The following SIPA1L3 variants were observed in gnomAD, a reference collection of about 807,000 sequenced individuals.
SIPA1L3 encodes the protein signal induced proliferation associated 1 like 3.
A neutral mutation model predicts 150.1 loss-of-function variants in SIPA1L3; 59 were observed. The observed-to-expected ratio is 0.39, with a 90% CI of 0.32 to 0.49. SIPA1L3 has a LOEUF of 0.49. Among genes scored for constraint, SIPA1L3 ranks in the 20% least tolerant of loss-of-function variants. SIPA1L3 has a pLI of 0.86. For missense variants in SIPA1L3, 2,211 were observed against 2,489.5 expected (o/e 0.89, Z 2.38); for synonymous variants, 1,070 against 1,077.6 (o/e 0.99, Z 0.14).
chr19:37,941,065 G>A (rs2046650301), intron 1 of SIPA1L3, among the ~76,000 whole-genome samples: 1 of 133,810 alleles, frequency 7.5e-6, no homozygotes, highest in Non-Finnish European at 1.6e-5. Flanking sequence ...TTTCAGGTTT[G>A]AGATGTACAC....
At chr19:38,144,215 G>A (rs1971657983) in intron 12 of SIPA1L3, among the ~76,000 whole-genome samples, 2 of 152,242 alleles carry the variant, frequency 1.3e-5, no homozygotes, top group Admixed American at 6.5e-5. Context: ...ATCCTTATTA[G>A]CCAGCTAAGA....
chr19:38,078,492 ACACACAGG>A (rs1468232238), intron 2 of SIPA1L3, among the ~76,000 whole-genome samples: 1 of 151,464 alleles, frequency 6.6e-6, no homozygotes, highest in Non-Finnish European at 1.5e-5. Context: ...ATGCACACAC[ACACACAGG>A]CACACAGACA....
chr19:37,991,550 C>G (rs926027206), intron 1 of SIPA1L3, among the ~76,000 whole-genome samples: 1 of 152,170 alleles, frequency 6.6e-6, no homozygotes, highest in Non-Finnish European at 1.5e-5. Flanking sequence ...CTGCTGTCAC[C>G]CTGGAAAGCC....
chr19:37,970,300 G>C lies in SIPA1L3; in HGVS notation c.-378-58789G>C, dbSNP rs560628427. Among the ~76,000 whole-genome samples the C allele has an allele frequency of 4.9e-4, 75 of 152,322 alleles. 1 individual carries two copies. The South Asian group carries it at 0.014, about 29-fold the overall frequency. On this transcript the variant is annotated intron_variant, in intron 1 of 21. Transcript: ENST00000222345. ...CTTTCCTTTTGGAGTCTTGGGGCCA[G>C]TGGAGATGGTATATCTCCCAACAAT...
chr19:37,984,913 T>C (rs532156228), intron 1 of SIPA1L3, among the ~76,000 whole-genome samples: 40 of 152,320 alleles, frequency 2.6e-4, no homozygotes, highest in African/African-American at 9.4e-4. Flanking sequence ...GTGGATTCCT[T>C]CAACAAATAT....
intron 7 of SIPA1L3, among the ~76,000 whole-genome samples, chr19:38,109,205 A>G (rs1159441828): frequency 6.6e-6 from 1 of 152,168 alleles, no homozygotes; most frequent in African/African-American, 2.4e-5. Flanking sequence ...ACAGCTCCAC[A>G]TGGCTGGGGA....
rs148106623 is a variant in SIPA1L3, at chr19:38,182,456, C to T, written c.4209-63C>T. On this transcript the variant is annotated intron_variant, in intron 15 of 21. Coordinates refer to ENST00000222345, the MANE Select transcript of SIPA1L3 (RefSeq NM_015073.3). ...GATTCCCAAGAGTAAACTTCAATAG[C>T]TCTGTCTTGCCAAATGTGGAATGGA... 4.4e-4 allele frequency: 546 copies of T among 1,239,504 alleles called. 2 individuals are homozygous for T. In the African/African-American group the frequency reaches 7.5e-3, roughly 17 times the overall value. 76.8% of individuals were successfully genotyped at this position (1,239,504 alleles called of 1,614,324 possible). A position where few individuals can be genotyped will look rare whatever the true frequency, so the allele number is the denominator to read the frequency against.
intron 15 of SIPA1L3, among the ~76,000 whole-genome samples, chr19:38,165,243 A>T (rs1972184151): frequency 6.6e-6 from 1 of 152,076 alleles, no homozygotes; most frequent in South Asian, 2.1e-4. Flanking sequence ...ACTGTATCTG[A>T]TAGAGTGTAT....
intron 12 of SIPA1L3, among the ~76,000 whole-genome samples, chr19:38,146,014 C>T (rs532965850): frequency 7.2e-5 from 11 of 152,234 alleles, no homozygotes; most frequent in South Asian, 4.1e-4. Flanking sequence ...AGGCATGCAC[C>T]GCCACACCCA....
chr19:38,093,741 GCAGA>G (rs1241767613), intron 4 of SIPA1L3, among the ~76,000 whole-genome samples: 2 of 152,220 alleles, frequency 1.3e-5, no homozygotes, highest in Admixed American at 1.3e-4. Context: ...CAGCCGCCAA[GCAGA>G]CAGTCTCGAG....
At chr19:38,116,020 A>C (rs896414110) in intron 8 of SIPA1L3, among the ~76,000 whole-genome samples, 5 of 152,180 alleles carry the variant, frequency 3.3e-5, no homozygotes, top group African/African-American at 1.2e-4. Flanking sequence ...CTGGGCAAGC[A>C]TGACTTTGGG....
At chr19:38,031,995 C>G (rs1968664347) in intron 2 of SIPA1L3, among the ~76,000 whole-genome samples, 1 of 152,118 alleles carries the variant, frequency 6.6e-6, no homozygotes, top group East Asian at 1.9e-4. Flanking sequence ...AACTTTGAGG[C>G]TATGCTAATA....
At chr19:38,198,117 G>A (rs1419368529) in intron 18 of SIPA1L3, among the ~76,000 whole-genome samples, 2 of 152,152 alleles carry the variant, frequency 1.3e-5, no homozygotes, top group South Asian at 2.1e-4. Flanking sequence ...TGGCTGTTCC[G>A]TCTGCCTGGA....
intron 13 of SIPA1L3, 83 bp downstream of exon 13, chr19:38,153,050 C>T: frequency 6.7e-7 from 1 of 1,496,484 alleles, no homozygotes; most frequent in Non-Finnish European, 9.0e-7. Flanking sequence ...GGCAACACTC[C>T]CCCTCTTGTG....
At chr19:37,985,419 C>T (rs1488366963) in intron 1 of SIPA1L3, among the ~76,000 whole-genome samples, 3 of 151,840 alleles carry the variant, frequency 2.0e-5, no homozygotes, top group African/African-American at 4.8e-5. Flanking sequence ...TTCCAGCTAC[C>T]GGGGAGGCTG....
At position 38,082,649 on chromosome 19, in the gene SIPA1L3, G is replaced by C. The variant is rs773800455; in HGVS notation, c.1084G>C (p.Val362Leu). Reference protein sequence around the residue: ...LNEAAANRVSVSQRRNTTTGA... With the variant: ...LNEAAANRVSLSQRRNTTTGA... ...CGAGGCGGCCGCCAACAGGGTGTCGGTGTCGCAGCGGCGGAACACCACCAC... is the reference window on the plus strand; with the variant it reads ...CGAGGCGGCCGCCAACAGGGTGTCGCTGTCGCAGCGGCGGAACACCACCAC... Residue 362 changes from valine (V) to leucine (L), a missense_variant, in exon 3 of 22, where the codon GTG becomes CTG. Around this residue, in one of 5 missense-constraint regions of SIPA1L3, gnomAD observed 587 missense variants for 534.5 expected, o/e 1.10. Coordinates refer to ENST00000222345, the MANE Select transcript of SIPA1L3 (RefSeq NM_015073.3). 2 of 1,606,942 alleles carry C rather than the reference G, an allele frequency of 1.2e-6. No homozygotes were observed. Among genetic ancestry groups the C allele is most frequent in the South Asian group, 2.2e-5 (2 of 91,078 alleles).
At chr19:38,104,528 C>A (rs1241485723) in intron 6 of SIPA1L3, among the ~76,000 whole-genome samples, 1 of 152,156 alleles carries the variant, frequency 6.6e-6, no homozygotes, top group Non-Finnish European at 1.5e-5. Context: ...CTGGGCTCAC[C>A]TGGCGTGGAG....
rs766311300 is a variant in SIPA1L3 at position 38,164,446 on chromosome 19, G to A, written c.3781-33G>A. The stretch of plus-strand genomic sequence containing the variant: ...AGGGAAGATGCGCCCCTGCCCTGGA[G>A]TCTGGGAATGACACGCTTCTCTTGC... On this transcript the variant is annotated intron_variant, in intron 14 of 21. Coordinates refer to ENST00000222345, the MANE Select transcript of SIPA1L3 (RefSeq NM_015073.3). The surrounding 1 kb of genome is among the most constrained non-coding windows in gnomAD (Gnocchi z 4.1). 2 of 1,569,720 alleles carry A rather than the reference G, an allele frequency of 1.3e-6. No individual in the cohort carries two copies. The highest frequency in any genetic ancestry group is 2.3e-5 in the South Asian group (2 of 85,110).
intron 1 of SIPA1L3, among the ~76,000 whole-genome samples, chr19:37,967,358 GTTC>G (rs778955784): frequency 7.3e-5 from 11 of 151,554 alleles, no homozygotes; most frequent in Non-Finnish European, 1.5e-4. Context: ...GGTTCAAGCA[GTTC>G]TTCTGCCTCA....
Sources: allele counts gnomAD v4.1 joint callset (sites outside exome capture counted in the v4.1 genomes callset), GRCh38; gene constraint gnomAD v4.1.1; regional missense constraint gnomAD v4.1.1; non-coding constraint Gnocchi (gnomAD v3.1); transcripts MANE v1.5; gene names NCBI Gene and HGNC (gene_info 2026-07-23, HGNC 2026-07-21).